The following MAGEL2 variants were observed in gnomAD, a reference collection of about 807,000 sequenced individuals.
The protein encoded by MAGEL2 is MAGE-like protein 2.
For missense variants in MAGEL2, 1,830 were observed against 1,699.2 expected, an observed-to-expected ratio of 1.08 and a Z score of -1.35; for synonymous variants, 792 against 721.7, an observed-to-expected ratio of 1.10 and a Z score of -1.56.
chr15:23,644,789 G>A lies in MAGEL2; in HGVS notation c.2954C>T (p.Pro985Leu). ...CACAACTACGGGCAGAGAGCTCCCT[G>A]GGCTTTCAGAGAGACCCAGGGCCCT... ...TSRALGLSES[P>L]GSSLPVVVSE... Residue 985 changes from proline (P) to leucine (L), a missense_variant, in exon 1 of 1, where the codon CCA becomes CTA. Coordinates refer to ENST00000650528, the MANE Select transcript of MAGEL2 (RefSeq NM_019066.5). 6.2e-7 allele frequency: 1 copy of A among 1,613,486 alleles called. No homozygotes were observed. Among genetic ancestry groups the A allele is most frequent in the Non-Finnish European group, 8.5e-7 (1 of 1,179,846 alleles).
At position 23,644,154 on chromosome 15, in the gene MAGEL2, C is replaced by T; in HGVS notation, c.3589G>A (p.Val1197Ile). 6.2e-7 allele frequency: 1 copy of T among 1,613,952 alleles called. No individual in the cohort carries two copies. The highest frequency in any genetic ancestry group is 1.3e-5 in the African/African-American group (1 of 75,036). Residue 1197 changes from valine (V) to isoleucine (I), a missense_variant, in exon 1 of 1, where the codon GTC becomes ATC. Transcript: ENST00000650528. ...TGGAGCTTGGCCAAAAACCTCAGGA[C>T]AAGCATCTTGCTGGTTTCCAGGAAT... ...RAFLETSKML[V>I]LRFLAKLHKK...
rs1374185036 is a variant in MAGEL2, at chr15:23,646,148, G to A, written c.1595C>T (p.Pro532Leu). The change falls in exon 1 of 1, where the codon CCG becomes CTG. Residue 532 changes from proline to leucine, a missense_variant. Coordinates refer to ENST00000650528, the MANE Select transcript of MAGEL2 (RefSeq NM_019066.5). This position sits in a 1 kb window ranked among gnomAD's most constrained non-coding sequence, Gnocchi z 4.2. ...CGGCGCCGCCTGCACCTGCGGGGCC[G>A]GCAGCCTAGCCTGCGGGGCCTGCCG... ...PLRQAPQARL[P>L]APQVQAAPQV... The A allele has an allele frequency of 9.7e-6, 13 of 1,345,076 alleles. No homozygotes were observed. Among genetic ancestry groups the A allele is most frequent in the South Asian group, 1.9e-5 (1 of 51,870 alleles). 83.3% of individuals were successfully genotyped at this position (1,345,076 alleles called of 1,614,324 possible). A position where few individuals can be genotyped will look rare whatever the true frequency, so the allele number is the denominator to read the frequency against.
At position 23,647,183 on chromosome 15, in the gene MAGEL2, G is replaced by A; in HGVS notation, c.560C>T (p.Thr187Ile). ...TPMVHPPPPG[T>I]PMAHPPPPGT... ...CGGAGGGGGAGGATGAGCCATCGGG[G>A]TCCCCGGAGGAGGAGGATGCACCAT... Residue 187 changes from threonine to isoleucine, a missense_variant, in exon 1 of 1, where the codon ACC becomes ATC. By Grantham distance (89) the Thr-to-Ile change is moderately conservative. Transcript: ENST00000650528. 6.6e-7 allele frequency: 1 copy of A among 1,522,364 alleles called. No homozygotes were observed. Among genetic ancestry groups the A allele is most frequent in the Non-Finnish European group, 8.8e-7 (1 of 1,140,360 alleles). 94.3% of individuals were successfully genotyped at this position (1,522,364 alleles called of 1,614,324 possible).
Position 23,646,049 on chromosome 15 carries a change from A to G in MAGEL2, c.1694T>C (p.Val565Ala). ...TGGGGCAGACAGCGGGGCCGGCAGC[A>G]CAGGCTGGGGCACCTGCGGGCCAGC... is the stretch of plus-strand genomic sequence containing the variant. ...PPAGPQVPQP[V>A]LPAPLSAPLS... The change falls in exon 1 of 1, where the codon GTG (valine) becomes GCG (alanine). Residue 565 changes from valine to alanine, a missense_variant. By Grantham distance (64) the Val-to-Ala change is moderately conservative (BLOSUM62 0). Coordinates refer to ENST00000650528, the MANE Select transcript of MAGEL2 (RefSeq NM_019066.5). This position sits in a 1 kb window ranked among gnomAD's most constrained non-coding sequence, Gnocchi z 4.2. The G allele has an allele frequency of 6.5e-7, 1 of 1,532,166 alleles. No homozygotes were observed. Among genetic ancestry groups the G allele is most frequent in the Non-Finnish European group, 8.8e-7 (1 of 1,140,332 alleles). The allele number at this position is 1,532,166 out of a possible 1,614,324, so 94.9% of individuals were successfully genotyped here.
Position 23,645,526 on chromosome 15 carries a change from CGAGGAGGTCCTGCGCTCTTTA to C in MAGEL2, c.2196_2216del (p.Thr737_Arg743del), listed in dbSNP as rs967616368. 2.5e-6 allele frequency: 4 copies of C among 1,613,676 alleles called. No homozygotes were observed. The highest frequency in any genetic ancestry group is 3.4e-6 in the Non-Finnish European group (4 of 1,179,824). ...CTTTTGAAGGGGCCCTGCGCTCCTT[CGAGGAGGTCCTGCGCTCTTTA>C]GAGGAGCCCCTGCGGTCTATAGAAG... On this transcript the variant is annotated inframe_deletion, in exon 1 of 1. Coordinates refer to ENST00000650528, the MANE Select transcript of MAGEL2 (RefSeq NM_019066.5).
Position 23,645,728 on chromosome 15 carries a change from C to A in MAGEL2, c.2015G>T (p.Gly672Val). 6.4e-7 allele frequency: 1 copy of A among 1,565,334 alleles called. No homozygotes were observed. Among genetic ancestry groups the A allele is most frequent in the Non-Finnish European group, 8.6e-7 (1 of 1,157,848 alleles). The change falls in exon 1 of 1, where the codon GGT becomes GTT. Residue 672 changes from glycine to valine, a missense_variant. Gly to Val is a moderately radical substitution (Grantham distance 109, BLOSUM62 -3). Transcript: ENST00000650528. ...QLPPQQAQASGPQAEVPTLPL... is the reference protein window; with the variant it reads ...QLPPQQAQASVPQAEVPTLPL... ...CAGTGTGGGCACCTCCGCTTGCGGA[C>A]CCGATGCCTGGGCCTGCTGGGGGGG... is the stretch of plus-strand genomic sequence containing the variant.
Position 23,643,946 on chromosome 15 carries a change from T to A in MAGEL2, c.*47A>T, listed in dbSNP as rs766845457. 2.7e-6 allele frequency: 4 copies of A among 1,495,546 alleles called. No individual in the cohort carries two copies. Among genetic ancestry groups the A allele is most frequent in the Admixed American group, 4.7e-5 (2 of 42,604 alleles). The allele number at this position is 1,495,546 out of a possible 1,614,324, so 92.6% of individuals were successfully genotyped here. ...CAAAAATGTCCCCCCACCCTGTCAG[T>A]GGCCTCTGGCCAGGGAAACACAGGA... is the stretch of plus-strand genomic sequence containing the variant. On this transcript the variant is annotated 3_prime_UTR_variant, in exon 1 of 1. Coordinates refer to ENST00000650528, the MANE Select transcript of MAGEL2 (RefSeq NM_019066.5).
Position 23,646,140 on chromosome 15 carries a change from G to C in MAGEL2, c.1603C>G (p.Gln535Glu). The change falls in exon 1 of 1, where the codon CAG becomes GAG. Residue 535 changes from glutamine to glutamate, a missense_variant. Coordinates refer to ENST00000650528, the MANE Select transcript of MAGEL2 (RefSeq NM_019066.5). The surrounding 1 kb of genome is among the most constrained non-coding windows in gnomAD (Gnocchi z 4.2). ...QAPQARLPAPQVQAAPQVPTA... is the reference protein window; with the variant it reads ...QAPQARLPAPEVQAAPQVPTA... ...GGCACCTGCGGCGCCGCCTGCACCT[G>C]CGGGGCCGGCAGCCTAGCCTGCGGG... 6 of 1,349,568 alleles carry C rather than the reference G, an allele frequency of 4.4e-6. No homozygotes were observed. Among genetic ancestry groups the C allele is most frequent in the Non-Finnish European group, 5.7e-6 (6 of 1,059,106 alleles). 83.6% of individuals were successfully genotyped at this position (1,349,568 alleles called of 1,614,324 possible).
chr15:23,645,514 C>T lies in MAGEL2; in HGVS notation c.2229G>A (p.Arg743=), dbSNP rs2140714093. 6.2e-7 allele frequency: 1 copy of T among 1,613,886 alleles called. No homozygotes were observed. Among genetic ancestry groups the T allele is most frequent in the African/African-American group, 1.3e-5 (1 of 75,062 alleles). ...AGATCATGCGGTCTTTTGAAGGGGC[C>T]CTGCGCTCCTTCGAGGAGGTCCTGC... is the stretch of plus-strand genomic sequence containing the variant. The part of the protein sequence containing the change: ...KERRTSSKER[R]APSKDRMIFA... The change falls in exon 1 of 1, where the codon AGG becomes AGA. Residue 743 remains arginine (R), a synonymous_variant. Coordinates refer to ENST00000650528, the MANE Select transcript of MAGEL2 (RefSeq NM_019066.5).
chr15:23,647,411 T>G lies in MAGEL2; in HGVS notation c.332A>C (p.His111Pro). 1 of 1,536,482 alleles carries G rather than the reference T, an allele frequency of 6.5e-7. No individual in the cohort carries two copies. The change falls in exon 1 of 1, where the codon CAT becomes CCT. Residue 111 changes from histidine to proline, a missense_variant. Coordinates refer to ENST00000650528, the MANE Select transcript of MAGEL2 (RefSeq NM_019066.5). ...CATCGGGGCTCCCGGAGGTGGAGGA[T>G]GCACCATCAGGACCCCGGGAGTCGG... ...KPPTPGVLMV[H>P]PPPPGAPMAQ...
Position 23,644,991 on chromosome 15 carries a change from T to C in MAGEL2, c.2752A>G (p.Asn918Asp). 6.2e-7 allele frequency: 1 copy of C among 1,613,888 alleles called. No individual in the cohort carries two copies. The highest frequency in any genetic ancestry group is 8.5e-7 in the Non-Finnish European group (1 of 1,179,882). The part of the protein sequence containing the change: ...WQGPRPWENL[N>D]LSDWEVQSPI... ...CTTTGGACCTCCCAGTCACTCAGAT[T>C]TAGATTCTCCCAGGGCCTTGGGCCC... is the stretch of plus-strand genomic sequence containing the variant. Residue 918 changes from asparagine (N) to aspartate (D), a missense_variant, in exon 1 of 1, where the codon AAT (asparagine) becomes GAT (aspartate). Asn to Asp is a conservative substitution (Grantham distance 23). Coordinates refer to ENST00000650528, the MANE Select transcript of MAGEL2 (RefSeq NM_019066.5).
Position 23,646,454 on chromosome 15 carries a change from A to T in MAGEL2, c.1289T>A (p.Val430Glu), listed in dbSNP as rs1236824584. ...PPPIRPGPPP[V>E]RQAPPLIRQA... is the part of the protein sequence containing the mutation. ...GCGGATCAGCGGTGGGGCCTGTCGC[A>T]CCGGTGGTGGGCCAGGGCGGATGGG... is the stretch of plus-strand genomic sequence containing the variant. The change falls in exon 1 of 1, where the codon GTG becomes GAG. Residue 430 changes from valine to glutamate, a missense_variant. By Grantham distance (121) the Val-to-Glu change is moderately radical. Coordinates refer to ENST00000650528, the MANE Select transcript of MAGEL2 (RefSeq NM_019066.5). The surrounding 1 kb of genome is among the most constrained non-coding windows in gnomAD (Gnocchi z 4.2). 5.4e-5 allele frequency: 77 copies of T among 1,422,646 alleles called. No homozygotes were observed. The highest frequency in any genetic ancestry group is 6.9e-5 in the Non-Finnish European group (76 of 1,097,242). The allele number at this position is 1,422,646 out of a possible 1,614,324, so 88.1% of individuals were successfully genotyped here. A position where few individuals can be genotyped will look rare whatever the true frequency, so the allele number is the denominator to read the frequency against.
Position 23,644,130 on chromosome 15 carries a change from G to A in MAGEL2, c.3613C>T (p.His1205Tyr). ...MLVLRFLAKLHKKDPQSWPFH... is the reference protein window; with the variant it reads ...MLVLRFLAKLYKKDPQSWPFH... ...GGCCAGCTCTGTGGATCTTTCTTAT[G>A]GAGCTTGGCCAAAAACCTCAGGACA... Residue 1205 changes from histidine (H) to tyrosine (Y), a missense_variant, in exon 1 of 1, where the codon CAT becomes TAT. By Grantham distance (83) the His-to-Tyr change is moderately conservative. Transcript: ENST00000650528. The A allele has an allele frequency of 6.2e-7, 1 of 1,613,954 alleles. No homozygotes were observed. The highest frequency in any genetic ancestry group is 8.5e-7 in the Non-Finnish European group (1 of 1,179,886).
rs1165141965 is a variant in MAGEL2, at chr15:23,644,423, C to T, written c.3320G>A (p.Arg1107Lys). 1.9e-6 allele frequency: 3 copies of T among 1,613,786 alleles called. No individual in the cohort carries two copies. The Admixed American group carries it at 5.0e-5, about 27-fold the overall frequency. ...TGNLVASYLD[R>K]PKFGLLMVVL... ...CACCATCAGAAGGCCAAACTTGGGCCTGTCTAAATAGGATGCCACCAAATT... is the reference window on the plus strand; with the variant it reads ...CACCATCAGAAGGCCAAACTTGGGCTTGTCTAAATAGGATGCCACCAAATT... The change falls in exon 1 of 1, where the codon AGG becomes AAG. Residue 1107 changes from arginine to lysine, a missense_variant. Transcript: ENST00000650528.
chr15:23,646,477 G>C lies in MAGEL2; in HGVS notation c.1266C>G (p.Pro422=). ...GPPPIRPGPP[P]IRPGPPPVRQ... ...GCACCGGTGGTGGGCCAGGGCGGATGGGTGGTGGGCCAGGGCGGATGGGCG... is the reference window on the plus strand; with the variant it reads ...GCACCGGTGGTGGGCCAGGGCGGATCGGTGGTGGGCCAGGGCGGATGGGCG... The change falls in exon 1 of 1, where the codon CCC becomes CCG. Residue 422 remains proline (P), a synonymous_variant. Transcript: ENST00000650528. The surrounding 1 kb of genome is among the most constrained non-coding windows in gnomAD (Gnocchi z 4.2). 3 of 1,440,776 alleles carry C rather than the reference G, an allele frequency of 2.1e-6. No homozygotes were observed. Among genetic ancestry groups the C allele is most frequent in the Non-Finnish European group, 2.7e-6 (3 of 1,104,618 alleles). 89.2% of individuals were successfully genotyped at this position (1,440,776 alleles called of 1,614,324 possible). A position where few individuals can be genotyped will look rare whatever the true frequency, so the allele number is the denominator to read the frequency against.
At position 23,644,388 on chromosome 15, in the gene MAGEL2, G is replaced by A. The variant is rs540236629; in HGVS notation, c.3355C>T (p.Leu1119Phe). ...KFGLLMVVLS[L>F]IFMKGNCVRE... Reference sequence around the variant, plus strand: ...ACACAGTTGCCTTTCATAAAGATGAGGCTCAAGACCACCATCAGAAGGCCA... The same window carrying A: ...ACACAGTTGCCTTTCATAAAGATGAAGCTCAAGACCACCATCAGAAGGCCA... Residue 1119 changes from leucine to phenylalanine, a missense_variant, in exon 1 of 1, where the codon CTC becomes TTC. Physicochemically the swap from Leu to Phe is conservative, Grantham distance 22 (BLOSUM62 0). Coordinates refer to ENST00000650528, the MANE Select transcript of MAGEL2 (RefSeq NM_019066.5). The A allele has an allele frequency of 1.2e-6, 2 of 1,613,830 alleles. No homozygotes were observed. The highest frequency in any genetic ancestry group is 4.5e-5 in the East Asian group (2 of 44,868).
rs369367209 is a variant in MAGEL2, at chr15:23,643,931, C to T, written c.*62G>A. 4.1e-5 allele frequency: 60 copies of T among 1,470,670 alleles called. 2 individuals carry two copies. Among genetic ancestry groups the T allele is most frequent in the East Asian group, 3.3e-4 (14 of 42,658 alleles). The allele number at this position is 1,470,670 out of a possible 1,614,324, so 91.1% of individuals were successfully genotyped here. A position where few individuals can be genotyped will look rare whatever the true frequency, so the allele number is the denominator to read the frequency against. ...CACAAACACCAGGAACAAAAATGTC[C>T]CCCCACCCTGTCAGTGGCCTCTGGC... is the stretch of plus-strand genomic sequence containing the variant. On this transcript the variant is annotated 3_prime_UTR_variant, in exon 1 of 1. Transcript: ENST00000650528.
rs1890339203 is a variant in MAGEL2, at chr15:23,644,135, T to C, written c.3608A>G (p.Lys1203Arg). The change falls in exon 1 of 1, where the codon AAG (lysine) becomes AGG (arginine). Residue 1203 changes from lysine (K) to arginine (R), a missense_variant. Coordinates refer to ENST00000650528, the MANE Select transcript of MAGEL2 (RefSeq NM_019066.5). Reference sequence around the variant, plus strand: ...GCTCTGTGGATCTTTCTTATGGAGCTTGGCCAAAAACCTCAGGACAAGCAT... The same window carrying C: ...GCTCTGTGGATCTTTCTTATGGAGCCTGGCCAAAAACCTCAGGACAAGCAT... ...SKMLVLRFLA[K>R]LHKKDPQSWP... 6.2e-7 allele frequency: 1 copy of C among 1,613,850 alleles called. No homozygotes were observed. Among genetic ancestry groups the C allele is most frequent in the Admixed American group, 1.7e-5 (1 of 59,998 alleles).
In MAGEL2 at chr15:23,644,468, T is replaced by C. The variant is rs1313800255; in HGVS notation, c.3275A>G (p.Lys1092Arg). 2 of 1,613,964 alleles carry C rather than the reference T, an allele frequency of 1.2e-6. No individual in the cohort carries two copies. The highest frequency in any genetic ancestry group is 1.7e-6 in the Non-Finnish European group (2 of 1,179,886). Residue 1092 changes from lysine to arginine, a missense_variant, in exon 1 of 1, where the codon AAG becomes AGG. Physicochemically the swap from Lys to Arg is conservative, Grantham distance 26 (BLOSUM62 2). Transcript: ENST00000650528. ...TKNHAYIIIN[K>R]LGYHTGNLVA... is the part of the protein sequence containing the mutation. ...CAAATTCCCTGTATGGTAGCCCAGCTTGTTGATGATAATATAGGCGTGGTT... is the reference window on the plus strand; with the variant it reads ...CAAATTCCCTGTATGGTAGCCCAGCCTGTTGATGATAATATAGGCGTGGTT...
Sources: allele counts gnomAD v4.1 joint callset, GRCh38; gene constraint gnomAD v4.1.1; non-coding constraint Gnocchi (gnomAD v3.1); transcripts MANE v1.5; gene names NCBI Gene and HGNC (gene_info 2026-07-23, HGNC 2026-07-21).